Variants in STAT2 observed in about 807,000 individuals in gnomAD.
The protein encoded by STAT2 is interferon alpha induced transcriptional activator.
In STAT2, 51 loss-of-function variants were observed where a neutral mutation model predicts 122.3. The ratio of observed to expected loss-of-function variants is 0.42; its 90% CI spans 0.33 to 0.53. The LOEUF is 0.53. STAT2 is among the 20% of genes least tolerant of loss of function. STAT2 has a pLI of 0.10. For synonymous variants in STAT2, 351 were observed against 394.9 expected (o/e 0.89, Z 1.32); for missense variants, 736 against 1,010.3 (o/e 0.73, Z 3.68).
intron 8 of STAT2, among the ~76,000 whole-genome samples, chr12:56,352,628 A>G (rs754258994): frequency 1.4e-5 from 2 of 147,212 alleles, no homozygotes; most frequent in Non-Finnish European, 3.0e-5. Context: ...GCATGCATGC[A>G]TGCTGGTCCT....
At chr12:56,345,031 G>A (rs145063367) in intron 22 of STAT2, among the ~76,000 whole-genome samples, 2,219 of 138,092 alleles carry the variant, frequency 0.016, 79 homozygotes, top group African/African-American at 0.057. Context: ...AAATTAACCA[G>A]GCATGGGTGG....
chr12:56,347,869 C>T lies in STAT2; in HGVS notation c.1724+660G>A, dbSNP rs1395572514. 2.6e-5 allele frequency among the ~76,000 whole-genome samples: 4 copies of T among 152,124 alleles called. No individual in the cohort carries two copies. The East Asian group carries it at 7.7e-4, about 29-fold the overall frequency. ...GGCAGTGTGGTGGAAAGAGCATGGGCTTGGAGTCACATAGGCCTGGATTTG... is the reference window on the plus strand; with the variant it reads ...GGCAGTGTGGTGGAAAGAGCATGGGTTTGGAGTCACATAGGCCTGGATTTG... On this transcript the variant is annotated intron_variant, in intron 19 of 23. Coordinates refer to ENST00000314128, the MANE Select transcript of STAT2 (RefSeq NM_005419.4).
At chr12:56,344,421 G>A (rs1877041315) in intron 22 of STAT2, among the ~76,000 whole-genome samples, 1 of 152,214 alleles carries the variant, frequency 6.6e-6, no homozygotes, top group South Asian at 2.1e-4. Context: ...TAACAGACCT[G>A]TATCATTAGC....
Position 56,342,813 on chromosome 12 carries a change from T to A in STAT2, c.*576A>T, listed in dbSNP as rs1257524713. 1 of 152,144 alleles carries A rather than the reference T, an allele frequency of 6.6e-6. No individual in the cohort carries two copies. The highest frequency in any genetic ancestry group is 6.5e-5 in the Admixed American group (1 of 15,278). 9.4% of individuals were successfully genotyped at this position (152,144 alleles called of 1,614,324 possible). A position where few individuals can be genotyped will look rare whatever the true frequency, so the allele number is the denominator to read the frequency against. ...GAAAAAGAGGTCTACTTCCTATCCA[T>A]CCCTTTCTTCAGGGTAGAGTTTCAC... On this transcript the variant is annotated 3_prime_UTR_variant, in exon 24 of 24. Coordinates refer to ENST00000314128, the MANE Select transcript of STAT2 (RefSeq NM_005419.4).
chr12:56,352,371 T>TTTTTTTTG (rs1565655623), intron 8 of STAT2: 4 of 28,464 alleles, frequency 1.4e-4, no homozygotes, highest in Non-Finnish European at 2.0e-4. Context: ...TTTTTTTTTT[T>TTTTTTTTG]GGTGGGGGTG....
intron 20 of STAT2, 45 bp from the exon 21 acceptor site, chr12:56,346,669 G>A (rs767158249): frequency 8.9e-5 from 143 of 1,608,962 alleles, no homozygotes; most frequent in African/African-American, 2.9e-4. Context: ...GGAAGAGGCC[G>A]GGCCTTGGAG....
Position 56,344,003 on chromosome 12 carries a change from C to T in STAT2, c.2235G>A (p.Leu745=). ...LDLEPLLKAG[L]DLGPELESVL... is the part of the protein sequence containing the mutation. ...CAGACTCTAGCTCTGGCCCCAGATC[C>T]AGCCCTGCCTTCAGCAGTGGCTCTA... is the stretch of plus-strand genomic sequence containing the variant. Residue 745 remains leucine (L), a synonymous_variant, in exon 23 of 24, where the codon CTG becomes CTA. Coordinates refer to ENST00000314128, the MANE Select transcript of STAT2 (RefSeq NM_005419.4). The T allele has an allele frequency of 6.2e-7, 1 of 1,614,158 alleles. No individual in the cohort carries two copies. The highest frequency in any genetic ancestry group is 8.5e-7 in the Non-Finnish European group (1 of 1,179,992).
intron 19 of STAT2, 34 bp downstream of exon 19, chr12:56,348,495 C>G (rs369706651): frequency 1.1e-5 from 18 of 1,611,218 alleles, no homozygotes; most frequent in Non-Finnish European, 1.4e-5. Flanking sequence ...CCGGAAAGCA[C>G]AAGCCCATGA....
In STAT2 at chr12:56,356,265, C is replaced by T. The variant is rs1323428827; in HGVS notation, c.152G>A (p.Ser51Asn). The change falls in exon 3 of 24, where the codon AGT (serine) becomes AAT (asparagine). Residue 51 changes from serine to asparagine, a missense_variant. Coordinates refer to ENST00000314128, the MANE Select transcript of STAT2 (RefSeq NM_005419.4). ...DQNWQEAALG[S>N]DDSKATMLFF... ...TAGCATGGTAGCCTTGGAATCATCACTCCCAAGTGCAGCTTCCTGCCTGGG... is the reference window on the plus strand; with the variant it reads ...TAGCATGGTAGCCTTGGAATCATCATTCCCAAGTGCAGCTTCCTGCCTGGG... 2 of 1,612,072 alleles carry T rather than the reference C, an allele frequency of 1.2e-6. No individual in the cohort carries two copies. The highest frequency in any genetic ancestry group is 8.5e-7 in the Non-Finnish European group (1 of 1,180,016).
intron 4 of STAT2, 32 bp downstream of exon 4, chr12:56,355,676 A>G (rs1396865738): frequency 1.9e-6 from 3 of 1,607,182 alleles, no homozygotes; most frequent in Non-Finnish European, 2.6e-6. Flanking sequence ...CTACTTCAGG[A>G]GTTTCCAACA....
At position 56,359,792 on chromosome 12, in the gene STAT2, A is replaced by T. The variant is rs538581258; in HGVS notation, c.-8+266T>A. Among the ~76,000 whole-genome samples the T allele has an allele frequency of 2.6e-5, 4 of 152,334 alleles. No individual in the cohort carries two copies. In the East Asian group the frequency reaches 7.7e-4, roughly 29 times the overall value. ...AAAAAATAATGCAGAGCAGAGGGAAAAACGTCAGATACCGAACCAACATAA... is the reference window on the plus strand; with the variant it reads ...AAAAAATAATGCAGAGCAGAGGGAATAACGTCAGATACCGAACCAACATAA... On this transcript the variant is annotated intron_variant, in intron 1 of 23. Coordinates refer to ENST00000314128, the MANE Select transcript of STAT2 (RefSeq NM_005419.4).
chr12:56,350,546 T>A, intron 11 of STAT2, 114 bp from the exon 12 acceptor site: 1 of 968,976 alleles, frequency 1.0e-6, no homozygotes, highest in Non-Finnish European at 1.5e-6. Context: ...TCACTAGCTA[T>A]GTGGCCTTGA....
intron 1 of STAT2, 51 bp from the exon 2 acceptor site, chr12:56,356,629 C>A (rs1879553996): frequency 1.3e-6 from 2 of 1,596,896 alleles, no homozygotes; most frequent in African/African-American, 1.3e-5. Flanking sequence ...TGGACTAAAT[C>A]ATCCATAGTT....
chr12:56,342,622 C>T lies in STAT2; in HGVS notation c.*767G>A, dbSNP rs1265099903. The stretch of plus-strand genomic sequence containing the variant: ...AAAAATCCCCAGCAATCCTACCATC[C>T]CCAGCCTCCAGGAGTGATCTGTCTC... On this transcript the variant is annotated 3_prime_UTR_variant, in exon 24 of 24. Coordinates refer to ENST00000314128, the MANE Select transcript of STAT2 (RefSeq NM_005419.4). 1.3e-5 allele frequency: 2 copies of T among 152,568 alleles called. No homozygotes were observed. Among genetic ancestry groups the T allele is most frequent in the East Asian group, 3.8e-4 (2 of 5,200 alleles). 9.5% of individuals were successfully genotyped at this position (152,568 alleles called of 1,614,324 possible).
intron 23 of STAT2, 84 bp from the exon 24 acceptor site, chr12:56,343,615 G>T (rs1592461992): frequency 6.4e-7 from 1 of 1,559,536 alleles, no homozygotes; most frequent in East Asian, 2.3e-5. Context: ...AGGATGGCAG[G>T]AAAGGCCTGG....
At chr12:56,350,495 C>A (rs1592476622) in intron 11 of STAT2, 63 bp from the exon 12 acceptor site, 1 of 1,498,816 alleles carries the variant, frequency 6.7e-7, no homozygotes, top group South Asian at 1.3e-5. Flanking sequence ...GGAGTTTCGT[C>A]TTTGGGATCA....
chr12:56,345,147 C>A (rs929868151), intron 22 of STAT2, among the ~76,000 whole-genome samples: 1 of 139,598 alleles, frequency 7.2e-6, no homozygotes, highest in African/African-American at 2.8e-5. Context: ...GCACTCCAGC[C>A]CGGGCAATGA....
At position 56,355,042 on chromosome 12, in the gene STAT2, C is replaced by CT. The variant is rs533246181; in HGVS notation, c.548-180dup. ...TGGTCATGCTTGGACCAGACACCCCCTCAAATAAAACACTGTTAGTTTTCC... is the reference window on the plus strand; with the variant it reads ...TGGTCATGCTTGGACCAGACACCCCCTTCAAATAAAACACTGTTAGTTTTCC... On this transcript the variant is annotated intron_variant, in intron 6 of 23. Transcript: ENST00000314128. The CT allele has an allele frequency of 7.9e-5, 58 of 735,812 alleles. No individual in the cohort carries two copies. The South Asian group carries it at 1.0e-3, about 13-fold the overall frequency. 45.6% of individuals were successfully genotyped at this position (735,812 alleles called of 1,614,324 possible).
chr12:56,350,460 A>G, intron 11 of STAT2, 28 bp from the exon 12 acceptor site: 1 of 1,589,218 alleles, frequency 6.3e-7, no homozygotes, highest in Non-Finnish European at 8.5e-7. Flanking sequence ...TAAAAAAATC[A>G]TTGGGCAAAA....
Sources: allele counts gnomAD v4.1 joint callset (sites outside exome capture counted in the v4.1 genomes callset), GRCh38; gene constraint gnomAD v4.1.1; transcripts MANE v1.5; gene names NCBI Gene and HGNC (gene_info 2026-07-23, HGNC 2026-07-21).